IZUMO2: variants seen among roughly 807,000 people sequenced by gnomAD.
The protein encoded by IZUMO2 is IZUMO family member 2.
A neutral mutation model predicts 31.2 loss-of-function variants in IZUMO2; 24 were observed. That is an observed-to-expected ratio of 0.77 (90% CI 0.56 to 1.08). The LOEUF (loss-of-function observed/expected upper bound fraction) is 1.08. IZUMO2 is among the 50% of genes least tolerant of loss of function. The pLI, the probability that IZUMO2 is intolerant of heterozygous loss-of-function variation, is 0.00. For synonymous variants in IZUMO2, 144 were observed against 117.3 expected (o/e 1.23, Z -1.47); for missense variants, 278 against 274.0 (o/e 1.01, Z -0.10).
In IZUMO2 at chr19:50,154,282, T is replaced by G. The variant is rs1009907905; in HGVS notation, c.623+318A>C. Among the ~76,000 whole-genome samples the G allele has an allele frequency of 4.1e-3, 580 of 140,874 alleles. 14 individuals are homozygous for G. The highest frequency in any genetic ancestry group is 9.4e-3 in the East Asian group (46 of 4,914). 92.4% of individuals were successfully genotyped at this position (140,874 alleles called of 152,430 possible). A position where few individuals can be genotyped will look rare whatever the true frequency, so the allele number is the denominator to read the frequency against. On this transcript the variant is annotated intron_variant, in intron 6 of 6. Coordinates refer to ENST00000293405, the MANE Select transcript of IZUMO2 (RefSeq NM_152358.3). ...TTTTAGCGTTTTTTTTTTTTTTTTT[T>G]TTTTTTTTTTTTTTTAATGTAAGAA...
chr19:50,154,878 G>A, intron 5 of IZUMO2, 152 bp from the exon 6 acceptor site: 1 of 796,136 alleles, frequency 1.3e-6, no homozygotes, highest in South Asian at 1.8e-5. Context: ...GCCCTCTCCT[G>A]GGGTCTGAGT....
chr19:50,162,621 G>GAAA (rs199972252), intron 2 of IZUMO2, 118 bp downstream of exon 2: 27 of 750,740 alleles, frequency 3.6e-5, no homozygotes, highest in African/African-American at 3.3e-4. Flanking sequence ...TCTTAAAAAA[G>GAAA]AAAAAAAAAA....
At chr19:50,157,459 C>T (rs1209650382) in intron 5 of IZUMO2, among the ~76,000 whole-genome samples, 1 of 151,436 alleles carries the variant, frequency 6.6e-6, no homozygotes, top group Non-Finnish European at 1.5e-5. Context: ...CCTGCCACCA[C>T]GCTAGGGTAG....
At chr19:50,159,671 TC>T in intron 2 of IZUMO2, 91 bp from the exon 3 acceptor site, 1 of 763,730 alleles carries the variant, frequency 1.3e-6, no homozygotes, top group Non-Finnish European at 2.3e-6. Context: ...ATGAGGAAGC[TC>T]CTCTTCATTT....
intron 2 of IZUMO2, among the ~76,000 whole-genome samples, chr19:50,161,020 A>G (rs917820454): frequency 1.3e-5 from 2 of 151,342 alleles, no homozygotes; most frequent in African/African-American, 4.9e-5. Context: ...CTCCAGACCT[A>G]CTCCCAACCT....
intron 2 of IZUMO2, among the ~76,000 whole-genome samples, chr19:50,161,852 G>A (rs912764108): frequency 1.3e-5 from 2 of 151,808 alleles, no homozygotes; most frequent in Non-Finnish European, 2.9e-5. Context: ...ATATTTTATC[G>A]GGCAATAAAG....
chr19:50,155,163 G>A (rs1431504382), intron 5 of IZUMO2, among the ~76,000 whole-genome samples: 1 of 152,178 alleles, frequency 6.6e-6, no homozygotes, highest in Non-Finnish European at 1.5e-5. Flanking sequence ...CCAGTACTTT[G>A]GGAAGCTGAG....
At chr19:50,157,910 TA>T (rs35022444) in intron 5 of IZUMO2, among the ~76,000 whole-genome samples, 5,159 of 110,548 alleles carry the variant, frequency 0.047, 198 homozygotes, top group African/African-American at 0.13. Context: ...AGAATCCATA[TA>T]AAAAAAAAAA....
At position 50,163,201 on chromosome 19, in the gene IZUMO2, G is replaced by C; in HGVS notation, c.-7C>G. 6.5e-7 allele frequency: 1 copy of C among 1,545,984 alleles called. No individual in the cohort carries two copies. The highest frequency in any genetic ancestry group is 8.7e-7 in the Non-Finnish European group (1 of 1,145,244). Reference sequence around the variant, plus strand: ...GGGTCAAAGCCAGAGGCATGGCGGGGCCTTTGTGACGTCACAGAGAGAACC... The same window carrying C: ...GGGTCAAAGCCAGAGGCATGGCGGGCCCTTTGTGACGTCACAGAGAGAACC... On this transcript the variant is annotated 5_prime_UTR_variant, in exon 1 of 7. Coordinates refer to ENST00000293405, the MANE Select transcript of IZUMO2 (RefSeq NM_152358.3).
At chr19:50,153,764 C>T (rs2030105475) in intron 6 of IZUMO2, 1 of 150,158 alleles carries the variant, frequency 6.7e-6, no homozygotes, top group East Asian at 2.0e-4. Flanking sequence ...GTCGCAAGAT[C>T]GCGCCATTGC....
chr19:50,155,982 T>C (rs1016712832), intron 5 of IZUMO2, among the ~76,000 whole-genome samples: 3 of 152,196 alleles, frequency 2.0e-5, no homozygotes, highest in African/African-American at 7.2e-5. Context: ...CCTCTGTCAT[T>C]GACACTGTTC....
chr19:50,153,927 T>A (rs1368413994), intron 6 of IZUMO2: 1 of 146,080 alleles, frequency 6.8e-6, no homozygotes, highest in South Asian at 2.2e-4. Flanking sequence ...GGAAAGGAGA[T>A]TAATTGGGTA....
intron 2 of IZUMO2, among the ~76,000 whole-genome samples, chr19:50,162,349 T>A (rs1005495427): frequency 6.6e-6 from 1 of 152,172 alleles, no homozygotes; most frequent in African/African-American, 2.4e-5. Context: ...GGCTCACACC[T>A]GTAATCCCAG....
intron 2 of IZUMO2, chr19:50,159,855 T>C: frequency 3.6e-6 from 1 of 275,546 alleles, no homozygotes; most frequent in Non-Finnish European, 6.9e-6. Flanking sequence ...TCTTCTTTTT[T>C]TTTTCTTTTT....
intron 2 of IZUMO2, 49 bp downstream of exon 2, chr19:50,162,690 G>A (rs1403878187): frequency 1.4e-6 from 2 of 1,447,932 alleles, no homozygotes; most frequent in Non-Finnish European, 9.7e-7. Context: ...GGGGCAGACC[G>A]GCGGAAAGAA....
chr19:50,154,826 G>T, intron 5 of IZUMO2, 100 bp from the exon 6 acceptor site: 1 of 1,363,068 alleles, frequency 7.3e-7, no homozygotes, highest in Non-Finnish European at 1.0e-6. Flanking sequence ...GGCAGGGGTG[G>T]GGGTGGGGCG....
intron 6 of IZUMO2, among the ~76,000 whole-genome samples, chr19:50,154,264 G>GTTTTT (rs71180675): frequency 3.4e-4 from 27 of 79,250 alleles, no homozygotes; most frequent in Admixed American, 5.2e-4. Context: ...AACTTTTAGC[G>GTTTTT]TTTTTTTTTT....
intron 2 of IZUMO2, among the ~76,000 whole-genome samples, chr19:50,162,364 T>C (rs1341030209): frequency 6.6e-6 from 1 of 152,114 alleles, no homozygotes; most frequent in Non-Finnish European, 1.5e-5. Flanking sequence ...TCCCAGCACT[T>C]TGGGAGGCTG....
At chr19:50,157,776 AG>A (rs1428890583) in intron 5 of IZUMO2, among the ~76,000 whole-genome samples, 1 of 151,316 alleles carries the variant, frequency 6.6e-6, no homozygotes, top group Non-Finnish European at 1.5e-5. Flanking sequence ...AAAACTTATC[AG>A]GGTATGGTGG....
Sources: gnomAD v4.1 joint callset for allele counts (sites outside exome capture counted in the v4.1 genomes callset) on GRCh38, gnomAD v4.1.1 for gene constraint, MANE v1.5 for transcripts, NCBI Gene and HGNC (gene_info 2026-07-23, HGNC 2026-07-21) for gene names.